Variants in GRID1 observed in about 807,000 individuals in gnomAD.
GRID1 encodes the protein glutamate receptor ionotropic, delta-1.
Under a neutral mutation model 98.0 loss-of-function variants are expected in GRID1, and 28 were observed. The observed-to-expected ratio is 0.29, with a 90% CI of 0.21 to 0.39. The LOEUF (loss-of-function observed/expected upper bound fraction) is 0.39. Among genes scored for constraint, GRID1 ranks in the 10% least tolerant of loss-of-function variants. The pLI is 1.00. For missense variants in GRID1, 1,111 were observed against 1,340.5 expected (o/e 0.83, Z 2.67); for synonymous variants, 553 against 538.5 (o/e 1.03, Z -0.37).
At chr10:85,801,967 G>A (rs1842580287) in intron 8 of GRID1, among the ~76,000 whole-genome samples, 1 of 151,924 alleles carries the variant, frequency 6.6e-6, no homozygotes, top group East Asian at 1.9e-4. Flanking sequence ...AATGTTACTT[G>A]TTTTTCTATA....
intron 4 of GRID1, among the ~76,000 whole-genome samples, chr10:85,939,756 A>G (rs1293445768): frequency 6.6e-6 from 1 of 152,058 alleles, no homozygotes; most frequent in Non-Finnish European, 1.5e-5. Flanking sequence ...TAACATATTC[A>G]TTGGTTCCAA....
chr10:86,102,682 A>T (rs1844314448), intron 4 of GRID1, among the ~76,000 whole-genome samples: 1 of 152,206 alleles, frequency 6.6e-6, no homozygotes, highest in Non-Finnish European at 1.5e-5. Flanking sequence ...GGCCCAGGGG[A>T]CGGGAGCCAG....
chr10:85,657,024 C>T (rs1840906737), intron 12 of GRID1, among the ~76,000 whole-genome samples: 1 of 152,182 alleles, frequency 6.6e-6, no homozygotes, highest in Non-Finnish European at 1.5e-5. Context: ...CCCAATACAT[C>T]TGCTCTCGCC....
intron 13 of GRID1, among the ~76,000 whole-genome samples, chr10:85,633,451 A>G (rs990288484): frequency 6.6e-6 from 1 of 152,194 alleles, no homozygotes; most frequent in Non-Finnish European, 1.5e-5. Context: ...TTTGAGACCC[A>G]TGAAACTGTA....
chr10:85,994,788 C>A (rs2131870553), intron 4 of GRID1, among the ~76,000 whole-genome samples: 1 of 152,262 alleles, frequency 6.6e-6, no homozygotes, highest in Non-Finnish European at 1.5e-5. Context: ...ACAGAGACAG[C>A]CTACTATGGA....
chr10:85,828,322 C>A (rs1044237184), intron 8 of GRID1, among the ~76,000 whole-genome samples: 1 of 151,862 alleles, frequency 6.6e-6, no homozygotes, highest in Non-Finnish European at 1.5e-5. Context: ...AGTGCTGAAT[C>A]CCACATCAAA....
Position 85,702,985 on chromosome 10 carries a change from G to T in GRID1, c.1997+20018C>A, listed in dbSNP as rs143864946. 4.1e-3 allele frequency among the ~76,000 whole-genome samples: 621 copies of T among 151,150 alleles called. 4 individuals are homozygous for T. Among genetic ancestry groups the T allele is most frequent in the Non-Finnish European group, 5.9e-3 (398 of 67,744 alleles). ...AACCAGACAGAAGGAGAAAGGAGGA[G>T]GAAATAAGGAGATGAAGAAAAGAGG... On this transcript the variant is annotated intron_variant, in intron 12 of 15. Transcript: ENST00000327946.
chr10:85,705,519 T>C (rs992702369), intron 12 of GRID1, among the ~76,000 whole-genome samples: 11 of 152,342 alleles, frequency 7.2e-5, no homozygotes, highest in Middle Eastern at 6.8e-3. Flanking sequence ...AGCCGAATTC[T>C]ACCACAGGTA....
intron 2 of GRID1, among the ~76,000 whole-genome samples, chr10:86,299,229 A>G (rs994128106): frequency 1.4e-5 from 2 of 146,274 alleles, no homozygotes; most frequent in Non-Finnish European, 3.0e-5. Flanking sequence ...AAATGTCTAC[A>G]TTTATTCATC....
At chr10:86,017,727 G>C (rs114818853) in intron 4 of GRID1, among the ~76,000 whole-genome samples, 2,739 of 152,324 alleles carry the variant, frequency 0.018, 76 homozygotes, top group African/African-American at 0.059. Flanking sequence ...GTGAATCAAA[G>C]TAGCTCTCCC....
intron 12 of GRID1, among the ~76,000 whole-genome samples, chr10:85,690,396 G>A (rs1018036068): frequency 1.3e-5 from 2 of 152,080 alleles, no homozygotes; most frequent in African/African-American, 4.8e-5. Flanking sequence ...GCAATAATCT[G>A]CCAAGTTAAC....
At chr10:85,796,165 T>A (rs1202267370) in intron 8 of GRID1, among the ~76,000 whole-genome samples, 1 of 152,156 alleles carries the variant, frequency 6.6e-6, no homozygotes, top group Non-Finnish European at 1.5e-5. Context: ...AAAGCTGGAA[T>A]CACAGATAAT....
rs183200430 is a variant in GRID1, at chr10:86,139,186, C to T, written c.521-162G>A. 1.6e-3 allele frequency among the ~76,000 whole-genome samples: 241 copies of T among 152,266 alleles called. 2 individuals are homozygous for T. Among genetic ancestry groups the T allele is most frequent in the Non-Finnish European group, 8.2e-4 (56 of 68,012 alleles). ...CCCGTAAACAGAGGTTGGAGGACGC[C>T]GGCGTAGACCCAGCAGCGTTCACCA... is the stretch of plus-strand genomic sequence containing the variant. On this transcript the variant is annotated intron_variant, in intron 3 of 15. Transcript: ENST00000327946.
chr10:85,885,612 T>C (rs1446753662), intron 5 of GRID1, among the ~76,000 whole-genome samples: 1 of 152,212 alleles, frequency 6.6e-6, no homozygotes, highest in Non-Finnish European at 1.5e-5. Context: ...ACTGTCAGAT[T>C]CAGCTATTTC....
At chr10:86,089,749 ATTT>A (rs35775469) in intron 4 of GRID1, among the ~76,000 whole-genome samples, 3 of 147,350 alleles carry the variant, frequency 2.0e-5, no homozygotes, top group Admixed American at 1.4e-4. Flanking sequence ...ACAAAAAAAA[ATTT>A]TTTTTTTTTT....
At chr10:86,319,912 C>T (rs991667656) in intron 2 of GRID1, among the ~76,000 whole-genome samples, 12 of 152,232 alleles carry the variant, frequency 7.9e-5, no homozygotes, top group African/African-American at 2.7e-4. Flanking sequence ...CTCCCTAGCT[C>T]CCTCGGTGAC....
At chr10:86,247,275 A>G (rs116515161) in intron 2 of GRID1, among the ~76,000 whole-genome samples, 3 of 98,510 alleles carry the variant, frequency 3.0e-5, no homozygotes, top group South Asian at 3.3e-4. Flanking sequence ...ATGGATGGAT[A>G]GATGGATAGA....
At chr10:86,339,182 C>T (rs1227351061) in intron 2 of GRID1, among the ~76,000 whole-genome samples, 1 of 152,250 alleles carries the variant, frequency 6.6e-6, no homozygotes, top group East Asian at 1.9e-4. Flanking sequence ...TGAACAAATG[C>T]TCTCTGCCCT....
chr10:85,965,771 A>T (rs912729528), intron 4 of GRID1, among the ~76,000 whole-genome samples: 3 of 150,046 alleles, frequency 2.0e-5, no homozygotes, highest in Non-Finnish European at 4.4e-5. Context: ...TGTACCCCAG[A>T]ACTTAAAATA....
Sources: allele counts gnomAD v4.1 joint callset (sites outside exome capture counted in the v4.1 genomes callset), GRCh38; gene constraint gnomAD v4.1.1; transcripts MANE v1.5; gene names NCBI Gene and HGNC (gene_info 2026-07-23, HGNC 2026-07-21).